The following NR6A1 variants were observed in gnomAD, a reference collection of about 807,000 sequenced individuals.
The protein encoded by NR6A1 is nuclear receptor subfamily 6 group A member 1.
In NR6A1, 7 loss-of-function variants were observed where a neutral mutation model predicts 59.1. The observed-to-expected ratio is 0.12, with a 90% CI of 0.07 to 0.22. The LOEUF (loss-of-function observed/expected upper bound fraction) is 0.22, where lower values mean the gene tolerates loss of function less well. Among genes scored for constraint, NR6A1 ranks in the 10% least tolerant of loss-of-function variants. The pLI, the probability that NR6A1 is intolerant of heterozygous loss-of-function variation, is 1.00. For missense variants in NR6A1, 468 were observed against 611.6 expected (o/e 0.77, Z 2.48); for synonymous variants, 243 against 236.1 (o/e 1.03, Z -0.27).
At chr9:124,626,156 C>A (rs1330330250) in intron 2 of NR6A1, among the ~76,000 whole-genome samples, 1 of 152,232 alleles carries the variant, frequency 6.6e-6, no homozygotes, top group Non-Finnish European at 1.5e-5. Flanking sequence ...CAGGCGCACG[C>A]CACCATGCCC....
chr9:124,690,582 C>G (rs541619277), intron 2 of NR6A1, among the ~76,000 whole-genome samples: 11 of 152,122 alleles, frequency 7.2e-5, no homozygotes, highest in Non-Finnish European at 1.5e-4. Context: ...GTCACCCAGG[C>G]TGGAGTGCAG....
At chr9:124,673,257 G>A (rs1837849734) in intron 2 of NR6A1, among the ~76,000 whole-genome samples, 1 of 152,078 alleles carries the variant, frequency 6.6e-6, no homozygotes, top group Middle Eastern at 3.4e-3. Flanking sequence ...AGGAAGTTGA[G>A]GTTGTGGTTA....
At chr9:124,597,192 A>G (rs1196392291) in intron 2 of NR6A1, among the ~76,000 whole-genome samples, 1 of 152,134 alleles carries the variant, frequency 6.6e-6, no homozygotes, top group African/African-American at 2.4e-5. Context: ...TAGACGAGGA[A>G]AAAGGCTGTA....
intron 2 of NR6A1, among the ~76,000 whole-genome samples, chr9:124,605,419 A>C (rs776009826): frequency 9.2e-5 from 14 of 152,144 alleles, no homozygotes; most frequent in Admixed American, 2.6e-4. Context: ...CGTGAGTATC[A>C]CTTGAGCCAG....
At chr9:124,678,160 G>C (rs965906298) in intron 2 of NR6A1, among the ~76,000 whole-genome samples, 1 of 152,090 alleles carries the variant, frequency 6.6e-6, no homozygotes, top group African/African-American at 2.4e-5. Context: ...CATTCCAATT[G>C]CATTTTCCTT....
At chr9:124,688,520 T>C (rs1838416430) in intron 2 of NR6A1, among the ~76,000 whole-genome samples, 1 of 152,172 alleles carries the variant, frequency 6.6e-6, no homozygotes, top group African/African-American at 2.4e-5. Flanking sequence ...CAGAACTTGG[T>C]GAAGTCTAAA....
chr9:124,671,643 G>A (rs906942168), intron 2 of NR6A1, among the ~76,000 whole-genome samples: 1 of 151,774 alleles, frequency 6.6e-6, no homozygotes, highest in Non-Finnish European at 1.5e-5. Context: ...TTTACCTAAT[G>A]TAAATACACA....
At chr9:124,666,275 CTTTTTT>C (rs922378385) in intron 2 of NR6A1, among the ~76,000 whole-genome samples, 2 of 103,070 alleles carry the variant, frequency 1.9e-5, no homozygotes, top group East Asian at 6.4e-4. Context: ...CTATGTGGTT[CTTTTTT>C]TTTTTTTTTT....
chr9:124,572,065 CAA>C (rs1488790607), intron 2 of NR6A1, among the ~76,000 whole-genome samples: 1 of 152,006 alleles, frequency 6.6e-6, no homozygotes, highest in African/African-American at 2.4e-5. Flanking sequence ...GTCAAGGAAA[CAA>C]AGAGCTGTAC....
intron 2 of NR6A1, among the ~76,000 whole-genome samples, chr9:124,585,995 T>C (rs1405549044): frequency 2.6e-5 from 4 of 152,220 alleles, no homozygotes; most frequent in African/African-American, 9.6e-5. Flanking sequence ...AAAATACTGC[T>C]GATTGACAAT....
At chr9:124,769,093 T>C (rs1410427149) in intron 1 of NR6A1, among the ~76,000 whole-genome samples, 1 of 152,200 alleles carries the variant, frequency 6.6e-6, no homozygotes, top group Non-Finnish European at 1.5e-5. Context: ...AATCCTTTGT[T>C]CCTATTATAC....
intron 2 of NR6A1, among the ~76,000 whole-genome samples, chr9:124,634,559 C>A (rs915446082): frequency 6.6e-6 from 1 of 152,080 alleles, no homozygotes; most frequent in African/African-American, 2.4e-5. Context: ...CGGTAGCTCA[C>A]GCCTGTAATC....
intron 2 of NR6A1, among the ~76,000 whole-genome samples, chr9:124,640,347 T>C (rs1836735057): frequency 6.6e-6 from 1 of 152,208 alleles, no homozygotes; most frequent in Non-Finnish European, 1.5e-5. Flanking sequence ...GATGTTTGTA[T>C]ATGGTATTTT....
At chr9:124,732,069 A>G (rs1839899895) in intron 2 of NR6A1, among the ~76,000 whole-genome samples, 1 of 152,234 alleles carries the variant, frequency 6.6e-6, no homozygotes, top group Non-Finnish European at 1.5e-5. Context: ...GATAAGCATC[A>G]TGAGAACTAT....
At chr9:124,551,299 T>G (rs1833771064) in intron 3 of NR6A1, among the ~76,000 whole-genome samples, 1 of 152,154 alleles carries the variant, frequency 6.6e-6, no homozygotes, top group Admixed American at 6.5e-5. Flanking sequence ...ACACAAGGTA[T>G]CTATGTATTT....
At chr9:124,547,395 C>T (rs1056972544) in intron 3 of NR6A1, among the ~76,000 whole-genome samples, 1 of 152,156 alleles carries the variant, frequency 6.6e-6, no homozygotes, top group Admixed American at 6.5e-5. Flanking sequence ...TCTGGTGGGA[C>T]CCCTCATCCT....
intron 7 of NR6A1, among the ~76,000 whole-genome samples, chr9:124,528,359 A>T (rs1283832542): frequency 6.6e-6 from 1 of 151,958 alleles, no homozygotes; most frequent in Non-Finnish European, 1.5e-5. Context: ...CATCAAAAAT[A>T]TTTTTTTTAC....
chr9:124,568,482 C>CAA (rs201368540), intron 2 of NR6A1, among the ~76,000 whole-genome samples: 5 of 107,816 alleles, frequency 4.6e-5, no homozygotes, highest in South Asian at 5.5e-4. Context: ...GACTCTGTCT[C>CAA]AAAAAAAAAA....
intron 1 of NR6A1, among the ~76,000 whole-genome samples, chr9:124,748,001 C>A (rs930875765): frequency 1.3e-5 from 2 of 152,166 alleles, no homozygotes; most frequent in African/African-American, 4.8e-5. Flanking sequence ...TGAAAAGCTA[C>A]TTTTTGCAAC....
Sources: gnomAD v4.1 joint callset for allele counts (sites outside exome capture counted in the v4.1 genomes callset) on GRCh38, gnomAD v4.1.1 for gene constraint, MANE v1.5 for transcripts, NCBI Gene and HGNC (gene_info 2026-07-23, HGNC 2026-07-21) for gene names.